Variants in SNTG2 observed in about 807,000 individuals in gnomAD.
SNTG2 encodes gamma-2-syntrophin.
In SNTG2, 74 loss-of-function variants were observed where a neutral mutation model predicts 70.9. The ratio of observed to expected loss-of-function variants is 1.04; its 90% CI spans 0.86 to 1.27. The LOEUF (loss-of-function observed/expected upper bound fraction) is 1.27, where lower values mean the gene tolerates loss of function less well. Among genes scored for constraint, SNTG2 ranks in the 50% most tolerant of loss-of-function variants. SNTG2 has a pLI of 0.00. For missense variants in SNTG2, 717 were observed against 690.7 expected, an observed-to-expected ratio of 1.04 and a Z score of -0.43; for synonymous variants, 278 against 273.8, an observed-to-expected ratio of 1.02 and a Z score of -0.15.
chr2:1,192,920 C>A (rs971744106), intron 8 of SNTG2, among the ~76,000 whole-genome samples: 8 of 152,220 alleles, frequency 5.3e-5, no homozygotes, highest in African/African-American at 1.9e-4. Flanking sequence ...GGTGCCCTGT[C>A]CTCTGTGAGT....
intron 9 of SNTG2, among the ~76,000 whole-genome samples, chr2:1,218,769 TC>T (rs1674561889): frequency 6.6e-6 from 1 of 152,190 alleles, no homozygotes. Flanking sequence ...AGATTTCTAA[TC>T]CTGCTTCACC....
At chr2:965,942 C>G (rs532092152) in intron 1 of SNTG2, among the ~76,000 whole-genome samples, 1 of 152,154 alleles carries the variant, frequency 6.6e-6, no homozygotes, top group Non-Finnish European at 1.5e-5. Flanking sequence ...CGGGCTGGGC[C>G]CAGCTCCTCC....
intron 12 of SNTG2, among the ~76,000 whole-genome samples, chr2:1,255,949 T>TAA (rs1678094840): frequency 1.4e-5 from 2 of 140,794 alleles, no homozygotes; most frequent in African/African-American, 2.6e-5. Flanking sequence ...TATATATATA[T>TAA]AACTACATGT....
rs143162163 is a variant in SNTG2, at chr2:1,358,953, GTGT to G, written c.1489-8383_1489-8381del. On this transcript the variant is annotated intron_variant, in intron 16 of 16. Transcript: ENST00000308624. ...GATACTGAACTCTGCTCCTATTGTT[GTGT>G]TGTTGTCTACTTCTACCTTCAGTTT... Among the ~76,000 whole-genome samples, 1,299 of 152,168 alleles carry G rather than the reference GTGT, an allele frequency of 8.5e-3. 18 individuals are homozygous for G. Among genetic ancestry groups the G allele is most frequent in the African/African-American group, 0.03 (1,238 of 41,530 alleles).
chr2:1,193,399 T>G (rs1672719690), intron 8 of SNTG2, among the ~76,000 whole-genome samples: 1 of 152,176 alleles, frequency 6.6e-6, no homozygotes, highest in South Asian at 2.1e-4. Flanking sequence ...TAGCCCAGGC[T>G]TCATCACTGA....
intron 16 of SNTG2, among the ~76,000 whole-genome samples, chr2:1,352,215 A>G (rs1254681744): frequency 6.6e-6 from 1 of 152,338 alleles, no homozygotes; most frequent in African/African-American, 2.4e-5. Context: ...GACGAGTTGC[A>G]ACCAAAGCCA....
intron 9 of SNTG2, among the ~76,000 whole-genome samples, chr2:1,227,884 A>C (rs1675900722): frequency 6.6e-6 from 1 of 152,212 alleles, no homozygotes; most frequent in African/African-American, 2.4e-5. Flanking sequence ...CTGTGGCACC[A>C]AACACCGCTC....
At chr2:1,052,329 T>C (rs1662122843) in intron 1 of SNTG2, among the ~76,000 whole-genome samples, 1 of 152,224 alleles carries the variant, frequency 6.6e-6, no homozygotes, top group Non-Finnish European at 1.5e-5. Flanking sequence ...TTTAATATTA[T>C]ATCTGTTTTA....
chr2:1,171,525 A>G (rs1217547902), intron 7 of SNTG2, among the ~76,000 whole-genome samples: 1 of 152,224 alleles, frequency 6.6e-6, no homozygotes, highest in Non-Finnish European at 1.5e-5. Flanking sequence ...TCTGAACGCT[A>G]AAGGGCAGAT....
At chr2:1,187,557 T>G (rs1474083435) in intron 8 of SNTG2, among the ~76,000 whole-genome samples, 6 of 152,046 alleles carry the variant, frequency 3.9e-5, no homozygotes, top group Non-Finnish European at 7.4e-5. Context: ...TAAAATAAAT[T>G]TATCTCTCTA....
intron 14 of SNTG2, among the ~76,000 whole-genome samples, chr2:1,285,010 C>T (rs571860034): frequency 1.3e-5 from 2 of 151,690 alleles, no homozygotes; most frequent in African/African-American, 4.8e-5. Flanking sequence ...TTAACTCACA[C>T]GATCACAAGA....
chr2:1,298,273 C>T (rs796896194), intron 14 of SNTG2, among the ~76,000 whole-genome samples: 43 of 152,098 alleles, frequency 2.8e-4, no homozygotes, highest in African/African-American at 9.4e-4. Flanking sequence ...GCTGGAATTA[C>T]AGATGCCCAC....
chr2:1,081,082 G>A (rs900508846), intron 1 of SNTG2, among the ~76,000 whole-genome samples: 5 of 152,056 alleles, frequency 3.3e-5, no homozygotes, highest in Admixed American at 6.5e-5. Flanking sequence ...TCTCTTTTAC[G>A]GCAAACAGGT....
In SNTG2 at chr2:1,238,068, A is replaced by G. The variant is rs117068261; in HGVS notation, c.849+51A>G. On this transcript the variant is annotated intron_variant, in intron 10 of 16. Transcript: ENST00000308624. ...CTGCTGATGCTCATTCGTGCATGAA[A>G]AATAATGGAGACATCATGTTTCTGA... 2.2e-4 allele frequency: 337 copies of G among 1,563,792 alleles called. 1 individual carries two copies. The East Asian group carries it at 6.7e-3, about 31-fold the overall frequency.
At chr2:1,277,528 T>C (rs1179383321) in intron 14 of SNTG2, among the ~76,000 whole-genome samples, 1 of 152,236 alleles carries the variant, frequency 6.6e-6, no homozygotes, top group African/African-American at 2.4e-5. Flanking sequence ...TACAGTATAG[T>C]GTAAGCCCAA....
intron 1 of SNTG2, among the ~76,000 whole-genome samples, chr2:976,816 C>T (rs1227525818): frequency 6.6e-6 from 1 of 152,174 alleles, no homozygotes; most frequent in Non-Finnish European, 1.5e-5. Flanking sequence ...CATCCGTCTC[C>T]CTCCCTGCCT....
chr2:1,101,409 G>A lies in SNTG2; in HGVS notation c.325+2999G>A, dbSNP rs548764375. ...GTTTTAGAGACACATTTATATCCTC[G>A]TTTTATGCACATTCAGGAACAGAAA... On this transcript the variant is annotated intron_variant, in intron 4 of 16. Coordinates refer to ENST00000308624, the MANE Select transcript of SNTG2 (RefSeq NM_018968.4). 2.3e-4 allele frequency among the ~76,000 whole-genome samples: 35 copies of A among 152,328 alleles called. 2 individuals carry two copies. In the South Asian group the frequency reaches 5.4e-3, roughly 23 times the overall value.
chr2:1,116,838 A>G (rs1415533148), intron 4 of SNTG2, among the ~76,000 whole-genome samples: 113 of 63,096 alleles, frequency 1.8e-3, no homozygotes, highest in Middle Eastern at 0.014. Context: ...GCCCTGGTGT[A>G]TGGGTGCCCT....
At chr2:1,251,869 G>A (rs937287736) in intron 12 of SNTG2, among the ~76,000 whole-genome samples, 29 of 152,212 alleles carry the variant, frequency 1.9e-4, no homozygotes, top group South Asian at 6.2e-4. Flanking sequence ...AGACCATGGC[G>A]TGTGGATGTG....
Sources: allele counts gnomAD v4.1 joint callset (sites outside exome capture counted in the v4.1 genomes callset), GRCh38; gene constraint gnomAD v4.1.1; transcripts MANE v1.5; gene names NCBI Gene and HGNC (gene_info 2026-07-23, HGNC 2026-07-21).